The following CSMD3 variants were observed in gnomAD, a reference collection of about 807,000 sequenced individuals.
The protein encoded by CSMD3 is CUB and sushi domain-containing protein 3.
Under a neutral mutation model 435.2 loss-of-function variants are expected in CSMD3, and 177 were observed. The observed-to-expected ratio is 0.41, with a 90% confidence interval of 0.36 to 0.46. CSMD3 has a LOEUF of 0.46. Ranked by LOEUF, CSMD3 falls within the 20% of genes least tolerant of loss-of-function variation. The pLI is 0.34. For missense variants in CSMD3, 4,265 were observed against 4,504.6 expected, an observed-to-expected ratio of 0.95 and a Z score of 1.52; for synonymous variants, 1,656 against 1,520.5, an observed-to-expected ratio of 1.09 and a Z score of -2.07.
chr8:112,390,120 G>A (rs1172475173), intron 36 of CSMD3, among the ~76,000 whole-genome samples: 1 of 152,204 alleles, frequency 6.6e-6, no homozygotes, highest in East Asian at 1.9e-4. Context: ...CCATTGCATA[G>A]GTTTGGAACG....
intron 1 of CSMD3, among the ~76,000 whole-genome samples, chr8:113,329,957 T>C (rs1468588130): frequency 6.6e-6 from 1 of 152,086 alleles, no homozygotes; most frequent in Non-Finnish European, 1.5e-5. Context: ...TCCTTTGGGC[T>C]GAAATGGAAA....
chr8:112,338,510 G>T (rs1285946246), intron 42 of CSMD3, among the ~76,000 whole-genome samples: 1 of 152,012 alleles, frequency 6.6e-6, no homozygotes, highest in Non-Finnish European at 1.5e-5. Flanking sequence ...TTTTAATTAA[G>T]AAGTTCAAAA....
At chr8:112,492,820 A>C (rs1820831948) in intron 30 of CSMD3, 137 bp from the exon 31 acceptor site, 4 of 735,762 alleles carry the variant, frequency 5.4e-6, no homozygotes, top group Middle Eastern at 3.6e-4. Context: ...TACTGAATAT[A>C]TACAGACTTT....
intron 1 of CSMD3, among the ~76,000 whole-genome samples, chr8:113,333,316 G>A (rs1046842062): frequency 5.9e-5 from 9 of 151,548 alleles, no homozygotes; most frequent in Non-Finnish European, 1.3e-4. Flanking sequence ...GTCCTGTTAT[G>A]GATCCTGCTT....
chr8:112,478,258 A>G (rs1245585749), intron 31 of CSMD3, among the ~76,000 whole-genome samples: 3 of 152,188 alleles, frequency 2.0e-5, no homozygotes, highest in Non-Finnish European at 4.4e-5. Context: ...CTATAAGGAT[A>G]CCTGGAAATG....
At chr8:113,046,130 A>G (rs1023500226) in intron 5 of CSMD3, among the ~76,000 whole-genome samples, 5 of 148,916 alleles carry the variant, frequency 3.4e-5, no homozygotes, top group African/African-American at 1.2e-4. Context: ...CGCTTCCACT[A>G]TTCTCATTGC....
At position 112,231,649 on chromosome 8, in the gene CSMD3, A is replaced by G; in HGVS notation, c.10741-17T>C. ...AGCAGAAACCTAAAAATATTTAAAC[A>G]GCCAAATATACTTGAATACTGGCCA... is the stretch of plus-strand genomic sequence containing the variant. On this transcript the variant is annotated splice_polypyrimidine_tract_variant and intron_variant, in intron 68 of 70. Coordinates refer to ENST00000297405, the MANE Select transcript of CSMD3 (RefSeq NM_198123.2). 7.0e-7 allele frequency: 1 copy of G among 1,429,828 alleles called. No homozygotes were observed. The highest frequency in any genetic ancestry group is 9.9e-7 in the Non-Finnish European group (1 of 1,012,330). 88.6% of individuals were successfully genotyped at this position (1,429,828 alleles called of 1,614,324 possible).
intron 3 of CSMD3, among the ~76,000 whole-genome samples, chr8:113,272,889 C>G (rs2093540402): frequency 6.6e-6 from 1 of 151,916 alleles, no homozygotes; most frequent in South Asian, 2.1e-4. Context: ...GGGGTTGGTT[C>G]ATGGGTAAAA....
intron 3 of CSMD3, among the ~76,000 whole-genome samples, chr8:113,175,829 A>T (rs1028364868): frequency 6.6e-6 from 1 of 152,036 alleles, no homozygotes; most frequent in South Asian, 2.1e-4. Context: ...CCTCTAAAAA[A>T]TAATTAAGGT....
intron 6 of CSMD3, 103 bp downstream of exon 6, chr8:113,018,964 C>T: frequency 2.5e-6 from 2 of 812,524 alleles, no homozygotes; most frequent in East Asian, 2.5e-5. Context: ...AATACAAATT[C>T]CAATTTCTAA....
At chr8:113,348,778 T>C (rs1306073567) in intron 1 of CSMD3, among the ~76,000 whole-genome samples, 2 of 152,128 alleles carry the variant, frequency 1.3e-5, no homozygotes, top group Non-Finnish European at 2.9e-5. Context: ...TTAGATTTAC[T>C]AAAATTTGTC....
At chr8:113,210,258 T>A (rs1397458770) in intron 3 of CSMD3, among the ~76,000 whole-genome samples, 1 of 152,086 alleles carries the variant, frequency 6.6e-6, no homozygotes, top group African/African-American at 2.4e-5. Flanking sequence ...AAGCCTTCGA[T>A]GAAATTACAC....
chr8:113,316,907 C>T (rs1009640138), intron 1 of CSMD3, among the ~76,000 whole-genome samples: 36 of 152,144 alleles, frequency 2.4e-4, no homozygotes, highest in Non-Finnish European at 2.9e-5. Flanking sequence ...AGAAATGTGG[C>T]TCAGGGCTTG....
chr8:113,266,007 C>A (rs1401594678), intron 3 of CSMD3, among the ~76,000 whole-genome samples: 1 of 151,134 alleles, frequency 6.6e-6, no homozygotes, highest in Non-Finnish European at 1.5e-5. Flanking sequence ...TAAATTTATT[C>A]CTAGCAAACT....
intron 31 of CSMD3, among the ~76,000 whole-genome samples, chr8:112,483,721 C>T (rs1819851727): frequency 6.6e-6 from 1 of 152,082 alleles, no homozygotes; most frequent in Non-Finnish European, 1.5e-5. Flanking sequence ...AATGAACTAA[C>T]CTCATCAATC....
intron 6 of CSMD3, among the ~76,000 whole-genome samples, chr8:113,004,555 T>G (rs544459624): frequency 6.6e-6 from 1 of 152,150 alleles, no homozygotes; most frequent in East Asian, 1.9e-4. Context: ...TGACCTTCTT[T>G]GACTTTAATC....
At chr8:113,397,976 C>T (rs1588660773) in intron 1 of CSMD3, among the ~76,000 whole-genome samples, 1 of 152,018 alleles carries the variant, frequency 6.6e-6, no homozygotes, top group South Asian at 2.1e-4. Context: ...ATTTTTTCAT[C>T]TGTATAATGG....
chr8:113,165,956 G>C (rs1327442317), intron 4 of CSMD3, among the ~76,000 whole-genome samples: 1 of 152,080 alleles, frequency 6.6e-6, no homozygotes, highest in Non-Finnish European at 1.5e-5. Context: ...ATAAGAACAG[G>C]AAGCTTTGAT....
intron 1 of CSMD3, among the ~76,000 whole-genome samples, chr8:113,416,989 C>G: frequency 6.6e-6 from 1 of 151,772 alleles, no homozygotes; most frequent in East Asian, 1.9e-4. Flanking sequence ...AAACATATGC[C>G]TCAACATATA....
Sources: allele counts gnomAD v4.1 joint callset (sites outside exome capture counted in the v4.1 genomes callset), GRCh38; gene constraint gnomAD v4.1.1; transcripts MANE v1.5; gene names NCBI Gene and HGNC (gene_info 2026-07-23, HGNC 2026-07-21).